Variants in C3orf22 observed in about 807,000 individuals in gnomAD.
C3orf22 encodes uncharacterized protein C3orf22.
C3orf22 carries 7 observed loss-of-function variants against 10.8 expected under a neutral mutation model. That is an observed-to-expected ratio of 0.65 (90% CI 0.37 to 1.22). The LOEUF is 1.22. Ranked by LOEUF, C3orf22 falls within the 50% of genes most tolerant of loss-of-function variation. C3orf22 has a pLI of 0.02. For missense variants in C3orf22, 173 were observed against 177.0 expected, an observed-to-expected ratio of 0.98 and a Z score of 0.13; for synonymous variants, 79 against 78.9, an observed-to-expected ratio of 1.00 and a Z score of 0.00.
downstream of C3orf22, among the ~76,000 whole-genome samples, chr3:126,544,807 T>G (rs182948626): frequency 6.6e-6 from 1 of 152,300 alleles, no homozygotes; most frequent in African/African-American, 2.4e-5. Context: ...CTCCACTGCT[T>G]CCCCACTGAT....
At chr3:126,542,099 G>C (rs766162020) in intron 4 of C3orf22, 2 of 1,582,200 alleles carry the variant, frequency 1.3e-6, no homozygotes, top group South Asian at 2.2e-5. Flanking sequence ...CCTGGCATCG[G>C]CTTACCGCAA....
chr3:126,542,346 G>T, intron 4 of C3orf22: 1 of 1,565,354 alleles, frequency 6.4e-7, no homozygotes. Flanking sequence ...GACGTCGTGG[G>T]CAAGTTCGAG....
Position 126,549,762 on chromosome 3 carries a change from T to C in C3orf22, c.*106A>G. 3 of 1,510,126 alleles carry C rather than the reference T, an allele frequency of 2.0e-6. No homozygotes were observed. Among genetic ancestry groups the C allele is most frequent in the Non-Finnish European group, 2.7e-6 (3 of 1,128,996 alleles). 93.5% of individuals were successfully genotyped at this position (1,510,126 alleles called of 1,614,324 possible). A position where few individuals can be genotyped will look rare whatever the true frequency, so the allele number is the denominator to read the frequency against. Reference sequence around the variant, plus strand: ...GGGACCACAAACCACTCCCGGTCTATGATGGCCATGAAGGCTGATCCCTTT... The same window carrying C: ...GGGACCACAAACCACTCCCGGTCTACGATGGCCATGAAGGCTGATCCCTTT... On this transcript the variant is annotated 3_prime_UTR_variant, in exon 4 of 4. Coordinates refer to ENST00000318225, the MANE Select transcript of C3orf22 (RefSeq NM_152533.3).
intron 4 of C3orf22, among the ~76,000 whole-genome samples, chr3:126,538,917 G>A (rs1041551202): frequency 3.3e-5 from 5 of 152,064 alleles, no homozygotes; most frequent in Admixed American, 1.3e-4. Context: ...ACTACAGAAG[G>A]GTAGACACAG....
At chr3:126,545,852 G>C (rs1331276814), downstream of C3orf22, among the ~76,000 whole-genome samples, 3 of 152,228 alleles carry the variant, frequency 2.0e-5, no homozygotes, top group Non-Finnish European at 4.4e-5. Flanking sequence ...CTGAGGGCTG[G>C]TGGGACAGAT....
At chr3:126,536,473 C>T (rs1936793471) in intron 4 of C3orf22, 2 of 695,362 alleles carry the variant, frequency 2.9e-6, no homozygotes, top group African/African-American at 1.8e-5. Flanking sequence ...AGAAGGGCAT[C>T]CTCCCCAAAC....
chr3:126,547,644 C>A (rs974332715), downstream of C3orf22, among the ~76,000 whole-genome samples: 1 of 152,184 alleles, frequency 6.6e-6, no homozygotes, highest in African/African-American at 2.4e-5. Context: ...CTGGGCCCTG[C>A]CTATAGTGCA....
intron 1 of C3orf22, among the ~76,000 whole-genome samples, chr3:126,554,124 G>C (rs899502533): frequency 6.6e-6 from 1 of 151,942 alleles, no homozygotes; most frequent in African/African-American, 2.4e-5. Context: ...AAGTGATCCT[G>C]CCACCTCAGC....
At chr3:126,530,182 G>A (rs1351009567) in intron 4 of C3orf22, among the ~76,000 whole-genome samples, 1 of 152,196 alleles carries the variant, frequency 6.6e-6, no homozygotes, top group Non-Finnish European at 1.5e-5. Context: ...GCTCCTCGGG[G>A]CAGGGTGGCA....
At chr3:126,540,411 C>T (rs1936933525) in intron 4 of C3orf22, among the ~76,000 whole-genome samples, 1 of 152,242 alleles carries the variant, frequency 6.6e-6, no homozygotes, top group Non-Finnish European at 1.5e-5. Context: ...CAGTCCTCCA[C>T]AGTTCACTCA....
intron 4 of C3orf22, among the ~76,000 whole-genome samples, chr3:126,535,420 G>A (rs1215564345): frequency 6.8e-6 from 1 of 147,574 alleles, no homozygotes; most frequent in East Asian, 2.0e-4. Flanking sequence ...TCCTCAACCG[G>A]GAGACAGACA....
intron 1 of C3orf22, among the ~76,000 whole-genome samples, chr3:126,556,077 G>A (rs1937321417): frequency 6.6e-6 from 1 of 152,232 alleles, no homozygotes; most frequent in Non-Finnish European, 1.5e-5. Context: ...CACTGCTTTG[G>A]TGGGGATGCC....
Position 126,550,043 on chromosome 3 carries a change from G to T in C3orf22, c.251C>A (p.Ser84Tyr). ...TGGTGCTGGTAGTGGTGCCGGGCAGGAGCCAGACGGTGATGTAAAATCTGG... is the reference window on the plus strand; with the variant it reads ...TGGTGCTGGTAGTGGTGCCGGGCAGTAGCCAGACGGTGATGTAAAATCTGG... ...GAPDFTSPSGSCPAPLPAPSP... is the reference protein window; with the variant it reads ...GAPDFTSPSGYCPAPLPAPSP... The change falls in exon 4 of 4, where the codon TCC (serine) becomes TAC (tyrosine). Residue 84 changes from serine to tyrosine, a missense_variant. Coordinates refer to ENST00000318225, the MANE Select transcript of C3orf22 (RefSeq NM_152533.3). The T allele has an allele frequency of 6.2e-7, 1 of 1,613,956 alleles. No individual in the cohort carries two copies. Among genetic ancestry groups the T allele is most frequent in the Non-Finnish European group, 8.5e-7 (1 of 1,179,910 alleles).
intron 4 of C3orf22, chr3:126,541,647 G>A: frequency 7.9e-7 from 1 of 1,258,248 alleles, no homozygotes; most frequent in African/African-American, 1.6e-5. Context: ...CCCAATTCCC[G>A]GGCGCATCCC....
rs1278542754 is a variant in C3orf22 at position 126,553,168 on chromosome 3, A to AGGGCTGCTAAGGGTCTCCCTGT, written c.89+112_89+133dup. 5 of 736,668 alleles carry AGGGCTGCTAAGGGTCTCCCTGT rather than the reference A, an allele frequency of 6.8e-6. No individual in the cohort carries two copies. In the African/African-American group the frequency reaches 6.9e-5, roughly 10 times the overall value. 45.6% of individuals were successfully genotyped at this position (736,668 alleles called of 1,614,324 possible). ...CGGACCCCAGACTGTCAGCTGGGCA[A>AGGGCTGCTAAGGGTCTCCCTGT]GGGCTGCTAAGGGTCTCCCTGTGGA... On this transcript the variant is annotated intron_variant, in intron 2 of 3. Transcript: ENST00000318225.
chr3:126,550,849 C>A (rs2107580118), intron 3 of C3orf22, among the ~76,000 whole-genome samples: 1 of 152,400 alleles, frequency 6.6e-6, no homozygotes, highest in South Asian at 2.1e-4. Context: ...ATGTTCCCAG[C>A]AGCAGGGGTT....
chr3:126,549,141 T>G (rs1220969091), downstream of C3orf22, among the ~76,000 whole-genome samples: 1 of 152,138 alleles, frequency 6.6e-6, no homozygotes, highest in East Asian at 1.9e-4. Flanking sequence ...AATATGGCAT[T>G]AGGCTCATGT....
At chr3:126,550,727 C>G (rs1937162750) in intron 3 of C3orf22, among the ~76,000 whole-genome samples, 1 of 152,244 alleles carries the variant, frequency 6.6e-6, no homozygotes, top group Non-Finnish European at 1.5e-5. Context: ...TCCCCCAGCC[C>G]TGGCATGGGA....
intron 4 of C3orf22, among the ~76,000 whole-genome samples, chr3:126,541,353 T>G (rs140371369): frequency 6.6e-5 from 10 of 152,318 alleles, no homozygotes; most frequent in African/African-American, 1.9e-4. Flanking sequence ...GGTGTGGAAT[T>G]AAACAGCGCT....
Sources: allele counts gnomAD v4.1 joint callset (sites outside exome capture counted in the v4.1 genomes callset), GRCh38; gene constraint gnomAD v4.1.1; transcripts MANE v1.5; gene names NCBI Gene and HGNC (gene_info 2026-07-23, HGNC 2026-07-21).